The following ARHGAP45 variants were observed in gnomAD, a reference collection of about 807,000 sequenced individuals.
ARHGAP45 encodes the protein rho GTPase-activating protein 45.
A neutral mutation model predicts 116.1 loss-of-function variants in ARHGAP45; 56 were observed. The observed-to-expected ratio is 0.48, with a 90% CI of 0.39 to 0.60. The LOEUF is 0.60. ARHGAP45 is among the 20% of genes least tolerant of loss of function. ARHGAP45 has a pLI of 0.00. For synonymous variants in ARHGAP45, 866 were observed against 701.7 expected, an observed-to-expected ratio of 1.23 and a Z score of -3.70; for missense variants, 1,622 against 1,601.0, an observed-to-expected ratio of 1.01 and a Z score of -0.22.
At position 1,074,014 on chromosome 19, in the gene ARHGAP45, G is replaced by A. The variant is rs759674147; in HGVS notation, c.790G>A (p.Gly264Ser). ...TCCCAGCCTGGAAGACTGTGACGCC[G>A]GTAAGCCCCCACCCAGCGGCAGGCA... Reference protein sequence around the residue: ...TPPSLEDCDAGCLPAEEVDVL... With the variant: ...TPPSLEDCDASCLPAEEVDVL... Residue 264 changes from glycine (G) to serine (S), a missense_variant and splice_region_variant, in exon 6 of 23, where the codon GGC becomes AGC. Gly to Ser is a moderately conservative substitution (Grantham distance 56). Transcript: ENST00000313093. 5.0e-6 allele frequency: 8 copies of A among 1,596,374 alleles called. No homozygotes were observed. The highest frequency in any genetic ancestry group is 2.3e-5 in the East Asian group (1 of 43,820).
Position 1,086,034 on chromosome 19 carries a change from G to A in ARHGAP45, c.*28G>A, listed in dbSNP as rs763200779. 1 of 1,584,732 alleles carries A rather than the reference G, an allele frequency of 6.3e-7. No individual in the cohort carries two copies. Among genetic ancestry groups the A allele is most frequent in the South Asian group, 1.1e-5 (1 of 88,460 alleles). On this transcript the variant is annotated 3_prime_UTR_variant, in exon 23 of 23. Transcript: ENST00000313093. ...TGGGGTGGGGCTGGGACCACAGGTG[G>A]CTTCTCTCTTGCCTGCTCCTGTCCC...
In ARHGAP45 at chr19:1,080,083, C is replaced by T. The variant is rs1388450366; in HGVS notation, c.1668C>T (p.His556=). ...AGCGGGACCAGGAGCCCGATGTGCA[C>T]TACGACTTTGAGCCCCACGTCTCCG... ...QLQRDQEPDV[H]YDFEPHVSAN... Residue 556 remains histidine, a synonymous_variant, in exon 13 of 23, where the codon CAC becomes CAT. Coordinates refer to ENST00000313093, the MANE Select transcript of ARHGAP45 (RefSeq NM_012292.5). The T allele has an allele frequency of 3.7e-6, 6 of 1,612,434 alleles. No individual in the cohort carries two copies. The African/African-American group carries it at 6.7e-5, about 18-fold the overall frequency.
chr19:1,085,327 C>T (rs939731698), intron 22 of ARHGAP45, among the ~76,000 whole-genome samples: 3 of 152,160 alleles, frequency 2.0e-5, no homozygotes, highest in Non-Finnish European at 2.9e-5. Flanking sequence ...CTCCAGGATT[C>T]AACCATCCTC....
intron 10 of ARHGAP45, 151 bp downstream of exon 10, chr19:1,075,030 C>G (rs1274355423): frequency 6.2e-6 from 3 of 485,848 alleles, no homozygotes; most frequent in Non-Finnish European, 5.9e-6. Context: ...CTGGGCCGCC[C>G]CCCCCAACGC....
rs764813474 is a variant in ARHGAP45 at position 1,085,779 on chromosome 19, G to T, written c.3184G>T (p.Ala1062Ser). Residue 1062 changes from alanine (A) to serine (S), a missense_variant, in exon 23 of 23, where the codon GCC becomes TCC. Ala to Ser is a moderately conservative substitution (Grantham distance 99). Around this residue, in one of 3 missense-constraint regions of ARHGAP45, gnomAD observed 1,334 missense variants for 1,263.8 expected, o/e 1.06. Coordinates refer to ENST00000313093, the MANE Select transcript of ARHGAP45 (RefSeq NM_012292.5). ...LSFLEQQQSEASLEVASGSHS... is the reference protein window; with the variant it reads ...LSFLEQQQSESSLEVASGSHS... ...CTTCCTGGAGCAGCAGCAGAGCGAG[G>T]CCAGCCTAGAGGTGGCTTCTGGCAG... is the stretch of plus-strand genomic sequence containing the variant. 3 of 1,612,770 alleles carry T rather than the reference G, an allele frequency of 1.9e-6. No homozygotes were observed. The highest frequency in any genetic ancestry group is 2.5e-6 in the Non-Finnish European group (3 of 1,179,882).
Position 1,079,727 on chromosome 19 carries a change from C to A in ARHGAP45, c.1399C>A (p.Arg467Ser). The A allele has an allele frequency of 6.2e-7, 1 of 1,612,580 alleles. No homozygotes were observed. The highest frequency in any genetic ancestry group is 8.5e-7 in the Non-Finnish European group (1 of 1,179,752). Residue 467 changes from arginine (R) to serine (S), a missense_variant, in exon 12 of 23, where the codon CGC (arginine) becomes AGC (serine). Transcript: ENST00000313093. ...NKAEEAMATY[R>S]TCVADAKTQK... Reference sequence around the variant, plus strand: ...GGCGGAGGAAGCTATGGCCACCTACCGCACCTGCGTGGCCGACGCGAAGAC... The same window carrying A: ...GGCGGAGGAAGCTATGGCCACCTACAGCACCTGCGTGGCCGACGCGAAGAC...
chr19:1,081,964 G>A lies in ARHGAP45; in HGVS notation c.2517+3G>A. ...TCCTCAAGCTCTACCTGCGTCAGGT[G>A]AGACCCACCGGTGGTGGCCAGGCAG... is the stretch of plus-strand genomic sequence containing the variant. On this transcript the variant is annotated splice_donor_region_variant and intron_variant, in intron 19 of 22. Transcript: ENST00000313093. The A allele has an allele frequency of 6.2e-7, 1 of 1,609,230 alleles. No individual in the cohort carries two copies. The highest frequency in any genetic ancestry group is 1.1e-5 in the South Asian group (1 of 90,966).
chr19:1,080,145 C>G, intron 13 of ARHGAP45, 27 bp downstream of exon 13: 2 of 1,610,690 alleles, frequency 1.2e-6, no homozygotes, highest in Non-Finnish European at 1.7e-6. Context: ...GCCCTGTCCC[C>G]GGCGCACAAG....
rs894894076 is a variant in ARHGAP45, at chr19:1,079,933, G to A, written c.1518G>A (p.Thr506=). The change falls in exon 13 of 23, where the codon ACG becomes ACA. Residue 506 remains threonine (T), a synonymous_variant. Transcript: ENST00000313093. ...RQSDQTIKSA[T]ISYYQMMHMQ... is the part of the protein sequence containing the mutation. ...CTCTCCGGTGCCGCCCGCAGGCCACGATCTCCTACTACCAGATGATGCATA... is the reference window on the plus strand; with the variant it reads ...CTCTCCGGTGCCGCCCGCAGGCCACAATCTCCTACTACCAGATGATGCATA... 2.1e-5 allele frequency: 33 copies of A among 1,606,122 alleles called. No individual in the cohort carries two copies. The Admixed American group carries it at 3.8e-4, about 19-fold the overall frequency.
rs2043192526 is a variant in ARHGAP45 at position 1,074,219 on chromosome 19, C to T, written c.906C>T (p.Tyr302=). The T allele has an allele frequency of 2.5e-6, 4 of 1,613,174 alleles. No homozygotes were observed. The highest frequency in any genetic ancestry group is 3.4e-6 in the Non-Finnish European group (4 of 1,179,980). Residue 302 remains tyrosine, a synonymous_variant, in exon 7 of 23, where the codon TAC becomes TAT. Coordinates refer to ENST00000313093, the MANE Select transcript of ARHGAP45 (RefSeq NM_012292.5). ...AGTACATGAAGGACCTCATCAGCTACCTGGAGAAGCGGACGACGCTGGGTG... is the reference window on the plus strand; with the variant it reads ...AGTACATGAAGGACCTCATCAGCTATCTGGAGAAGCGGACGACGCTGGGTG... ...MAKYMKDLIS[Y]LEKRTTLEME... is the part of the protein sequence containing the mutation.
At chr19:1,065,961 G>A (rs149781205), upstream of ARHGAP45, 2,161 of 1,511,986 alleles carry the variant, frequency 1.4e-3, 20 homozygotes, top group African/African-American at 0.026. Context: ...CACAGGCCAG[G>A]GCCGGGCCAG....
chr19:1,071,348 G>A lies in ARHGAP45; in HGVS notation c.422-1801G>A. 1.5e-6 allele frequency: 2 copies of A among 1,340,516 alleles called. No homozygotes were observed. Among genetic ancestry groups the A allele is most frequent in the Non-Finnish European group, 1.9e-6 (2 of 1,050,236 alleles). 83.0% of individuals were successfully genotyped at this position (1,340,516 alleles called of 1,614,324 possible). A position where few individuals can be genotyped will look rare whatever the true frequency, so the allele number is the denominator to read the frequency against. Reference sequence around the variant, plus strand: ...ACGAGGGCCCCGTGCGCTGCCGGGCGGGCCCCCGAGGTGAGGGGACAGGTG... The same window carrying A: ...ACGAGGGCCCCGTGCGCTGCCGGGCAGGCCCCCGAGGTGAGGGGACAGGTG... On this transcript the variant is annotated intron_variant, in intron 2 of 22. Transcript: ENST00000313093. The surrounding 1 kb of genome is among the most constrained non-coding windows in gnomAD (Gnocchi z 4.6).
chr19:1,075,730 C>A (rs1363841602), intron 10 of ARHGAP45, among the ~76,000 whole-genome samples: 1 of 152,188 alleles, frequency 6.6e-6, no homozygotes, highest in Non-Finnish European at 1.5e-5. Flanking sequence ...CCTCCCACCT[C>A]AGCCTCCTGA....
intron 22 of ARHGAP45, among the ~76,000 whole-genome samples, chr19:1,085,424 CCT>C (rs930303916): frequency 1.4e-4 from 22 of 152,124 alleles, no homozygotes; most frequent in African/African-American, 4.8e-4. Context: ...CCTATCAACA[CCT>C]CTCTCCTTCC....
In ARHGAP45 at chr19:1,078,039, G is replaced by T; in HGVS notation, c.1368G>T (p.Lys456Asn). The T allele has an allele frequency of 6.4e-7, 1 of 1,553,284 alleles. No individual in the cohort carries two copies. The highest frequency in any genetic ancestry group is 8.7e-7 in the Non-Finnish European group (1 of 1,146,500). Residue 456 changes from lysine to asparagine, a missense_variant, in exon 11 of 23, where the codon AAG (lysine) becomes AAT (asparagine). Lys to Asn is a moderately conservative substitution (Grantham distance 94, BLOSUM62 0). Around this residue, in one of 3 missense-constraint regions of ARHGAP45, gnomAD observed 1,334 missense variants for 1,263.8 expected, o/e 1.06. Coordinates refer to ENST00000313093, the MANE Select transcript of ARHGAP45 (RefSeq NM_012292.5). ...DKRRRLEEEA[K>N]NKAEEAMATY... The stretch of plus-strand genomic sequence containing the variant: ...GGCGGCGGCTGGAGGAGGAGGCCAA[G>T]AACAAGGTGAGGGCGGGTGGAGGCA...
At chr19:1,078,091 T>C in intron 11 of ARHGAP45, 46 bp downstream of exon 11, 1 of 1,520,746 alleles carries the variant, frequency 6.6e-7, no homozygotes, top group South Asian at 1.2e-5. Context: ...GAGGAGGAGA[T>C]CCAATGCTTG....
chr19:1,081,931 C>T lies in ARHGAP45; in HGVS notation c.2487C>T (p.Ile829=), dbSNP rs139194512. ...TGTCGCAGGCCTCGCCCCACGACAT[C>T]AGCAACGTCCTCAAGCTCTACCTGC... ...VELSQASPHD[I]SNVLKLYLRQ... is the part of the protein sequence containing the mutation. Residue 829 remains isoleucine (I), a synonymous_variant, in exon 19 of 23, where the codon ATC becomes ATT. Coordinates refer to ENST00000313093, the MANE Select transcript of ARHGAP45 (RefSeq NM_012292.5). 12 of 1,612,458 alleles carry T rather than the reference C, an allele frequency of 7.4e-6. No homozygotes were observed. In the East Asian group the frequency reaches 1.1e-4, roughly 15 times the overall value.
At chr19:1,074,977 T>G (rs1000376215) in intron 10 of ARHGAP45, 98 bp downstream of exon 10, 13 of 1,011,776 alleles carry the variant, frequency 1.3e-5, no homozygotes, top group African/African-American at 1.7e-5. Flanking sequence ...TGCGGCGAGC[T>G]CCGCACACGC....
At chr19:1,075,939 C>T (rs2043237958) in intron 10 of ARHGAP45, among the ~76,000 whole-genome samples, 1 of 152,220 alleles carries the variant, frequency 6.6e-6, no homozygotes, top group Non-Finnish European at 1.5e-5. Context: ...GGACAGCTCA[C>T]CTCATGCCCT....
Sources: allele counts gnomAD v4.1 joint callset (sites outside exome capture counted in the v4.1 genomes callset), GRCh38; gene constraint gnomAD v4.1.1; regional missense constraint gnomAD v4.1.1; non-coding constraint Gnocchi (gnomAD v3.1); transcripts MANE v1.5; gene names NCBI Gene and HGNC (gene_info 2026-07-23, HGNC 2026-07-21).